PRMT1: variants seen among roughly 807,000 people sequenced by gnomAD.
The protein encoded by PRMT1 is protein arginine methyltransferase 1, also known as protein arginine N-methyltransferase 1.
Under a neutral mutation model 47.4 loss-of-function variants are expected in PRMT1, and 5 were observed. The ratio of observed to expected loss-of-function variants is 0.11; its 90% CI spans 0.06 to 0.22. PRMT1 has a LOEUF of 0.22. PRMT1 is among the 10% of genes least tolerant of loss of function. The pLI, the probability that PRMT1 is intolerant of heterozygous loss-of-function variation, is 1.00. For synonymous variants in PRMT1, 227 were observed against 204.6 expected, an observed-to-expected ratio of 1.11 and a Z score of -0.94; for missense variants, 249 against 518.4, an observed-to-expected ratio of 0.48 and a Z score of 5.05.
intron 5 of PRMT1, among the ~76,000 whole-genome samples, chr19:49,683,053 G>C (rs752735096): frequency 1.3e-5 from 2 of 151,282 alleles, no homozygotes; most frequent in Non-Finnish European, 2.9e-5. Context: ...GCCTCCCAAA[G>C]TGCTGGGATT....
chr19:49,686,566 G>T, intron 9 of PRMT1, 39 bp from the exon 10 acceptor site: 1 of 1,315,714 alleles, frequency 7.6e-7, no homozygotes, highest in Non-Finnish European at 1.1e-6. Flanking sequence ...GTTGGGGGGG[G>T]CAGCAGGCCG....
chr19:49,684,174 T>C lies in PRMT1; in HGVS notation c.555+105T>C. ...ACAGACGGGACTTACTGTGGGGGCT[T>C]AGCTGCAAGGTGTTAGAAAGCCACA... is the stretch of plus-strand genomic sequence containing the variant. On this transcript the variant is annotated intron_variant, in intron 6 of 10. Transcript: ENST00000454376. The surrounding 1 kb of genome is among the most constrained non-coding windows in gnomAD (Gnocchi z 6.2). 5 of 1,468,832 alleles carry C rather than the reference T, an allele frequency of 3.4e-6. No individual in the cohort carries two copies. The South Asian group carries it at 5.0e-5, about 15-fold the overall frequency. 91.0% of individuals were successfully genotyped at this position (1,468,832 alleles called of 1,614,324 possible).
In PRMT1 at chr19:49,684,644, C is replaced by A. The variant is rs538615892; in HGVS notation, c.556-110C>A. On this transcript the variant is annotated intron_variant, in intron 6 of 10. Coordinates refer to ENST00000454376, the MANE Select transcript of PRMT1 (RefSeq NM_001536.6). This position sits in a 1 kb window ranked among gnomAD's most constrained non-coding sequence, Gnocchi z 6.2. ...ACCAGGGGGCGAGGGGTGAGTGCCG[C>A]TGCGACATGAGGGTGGCCCAGACCA... 7.9e-6 allele frequency: 10 copies of A among 1,265,354 alleles called. No individual in the cohort carries two copies. The African/African-American group carries it at 1.4e-4, about 17-fold the overall frequency. 78.4% of individuals were successfully genotyped at this position (1,265,354 alleles called of 1,614,324 possible).
upstream of PRMT1, among the ~76,000 whole-genome samples, chr19:49,676,643 G>T (rs1331413970): frequency 6.6e-6 from 1 of 152,162 alleles, no homozygotes; most frequent in Non-Finnish European, 1.5e-5. Context: ...TTTCCCCCAG[G>T]TAATGAGCAC....
chr19:49,679,231 A>G (rs1416062941), intron 1 of PRMT1, among the ~76,000 whole-genome samples: 1 of 152,002 alleles, frequency 6.6e-6, no homozygotes, highest in Non-Finnish European at 1.5e-5. Context: ...GGAGCTGCCC[A>G]TCTTCCCTGG....
chr19:49,679,871 G>T lies in PRMT1; in HGVS notation c.37-1G>T. The T allele has an allele frequency of 6.2e-7, 1 of 1,612,004 alleles. No homozygotes were observed. The highest frequency in any genetic ancestry group is 8.5e-7 in the Non-Finnish European group (1 of 1,178,602). On this transcript the variant is annotated splice_acceptor_variant, in intron 1 of 10. Coordinates refer to ENST00000454376, the MANE Select transcript of PRMT1 (RefSeq NM_001536.6). LOFTEE classifies it high-confidence loss of function. Reference sequence around the variant, plus strand: ...CCTTTTTCCCTGTTACTCTCTCCTAGAATTTTGTAGCCACCTTGGCTAATG... The same window carrying T: ...CCTTTTTCCCTGTTACTCTCTCCTATAATTTTGTAGCCACCTTGGCTAATG...
At chr19:49,679,227 G>T (rs953768540) in intron 1 of PRMT1, among the ~76,000 whole-genome samples, 1 of 152,120 alleles carries the variant, frequency 6.6e-6, no homozygotes, top group Non-Finnish European at 1.5e-5. Context: ...TCCAGGAGCT[G>T]CCCATCTTCC....
intron 5 of PRMT1, 191 bp from the exon 6 acceptor site, chr19:49,683,736 T>C: frequency 2.0e-6 from 1 of 498,056 alleles, no homozygotes; most frequent in South Asian, 2.3e-5. Context: ...CCAGTCCACA[T>C]AAAATTTCTG....
Position 49,680,114 on chromosome 19 carries a change from G to C in PRMT1, c.90+189G>C. 8.7e-7 allele frequency: 1 copy of C among 1,156,000 alleles called. No individual in the cohort carries two copies. The highest frequency in any genetic ancestry group is 1.4e-5 in the South Asian group (1 of 73,992). 71.6% of individuals were successfully genotyped at this position (1,156,000 alleles called of 1,614,324 possible). A position where few individuals can be genotyped will look rare whatever the true frequency, so the allele number is the denominator to read the frequency against. ...CCCGCTGGCCTCCCCCAGTATCGCC[G>C]CTACTTCCTTAACTCCACCTCCAAC... is the stretch of plus-strand genomic sequence containing the variant. On this transcript the variant is annotated intron_variant, in intron 2 of 10. Transcript: ENST00000454376. The surrounding 1 kb of genome is among the most constrained non-coding windows in gnomAD (Gnocchi z 4.2).
In PRMT1 at chr19:49,684,524, C is replaced by T. The variant is rs943802274; in HGVS notation, c.556-230C>T. Among the ~76,000 whole-genome samples the T allele has an allele frequency of 6.6e-6, 1 of 152,174 alleles. No individual in the cohort carries two copies. On this transcript the variant is annotated intron_variant, in intron 6 of 10. Transcript: ENST00000454376. The surrounding 1 kb of genome is among the most constrained non-coding windows in gnomAD (Gnocchi z 6.2). ...GGACCCCGTGCTTTTCCTCTCAGAG[C>T]AGCTAGGGAGGGTCTGAGGATCCCC...
chr19:49,679,631 G>T (rs1388188902), intron 1 of PRMT1: 1 of 697,940 alleles, frequency 1.4e-6, no homozygotes. Flanking sequence ...GGGGCAGCGT[G>T]GGGGTGGGCC....
Position 49,685,370 on chromosome 19 carries a change from C to G in PRMT1, c.759+333C>G. ...GCACGCGGGCCACTGCAGAAGAGCA[C>G]GGGGCCAGGCTGGGCTCCGAGATGT... is the stretch of plus-strand genomic sequence containing the variant. On this transcript the variant is annotated intron_variant, in intron 8 of 10. Coordinates refer to ENST00000454376, the MANE Select transcript of PRMT1 (RefSeq NM_001536.6). The surrounding 1 kb of genome is among the most constrained non-coding windows in gnomAD (Gnocchi z 4.7). 1 of 1,251,760 alleles carries G rather than the reference C, an allele frequency of 8.0e-7. No individual in the cohort carries two copies. The highest frequency in any genetic ancestry group is 4.4e-5 in the East Asian group (1 of 22,780). The allele number at this position is 1,251,760 out of a possible 1,614,324, so 77.5% of individuals were successfully genotyped here. A position where few individuals can be genotyped will look rare whatever the true frequency, so the allele number is the denominator to read the frequency against.
At chr19:49,679,527 T>G in intron 1 of PRMT1, 5 of 579,652 alleles carry the variant, frequency 8.6e-6, no homozygotes, top group Non-Finnish European at 1.3e-5. Context: ...CTGGAGGAGA[T>G]TAGGTGATGA....
At position 49,685,390 on chromosome 19, in the gene PRMT1, A is replaced by G; in HGVS notation, c.759+353A>G. 1 of 1,229,652 alleles carries G rather than the reference A, an allele frequency of 8.1e-7. No individual in the cohort carries two copies. Among genetic ancestry groups the G allele is most frequent in the African/African-American group, 1.6e-5 (1 of 64,422 alleles). The allele number at this position is 1,229,652 out of a possible 1,614,324, so 76.2% of individuals were successfully genotyped here. On this transcript the variant is annotated intron_variant, in intron 8 of 10. Coordinates refer to ENST00000454376, the MANE Select transcript of PRMT1 (RefSeq NM_001536.6). This position sits in a 1 kb window ranked among gnomAD's most constrained non-coding sequence, Gnocchi z 4.7. ...GAGCACGGGGCCAGGCTGGGCTCCGAGATGTGCCTGAGGTCCCAGCTACTC... is the reference window on the plus strand; with the variant it reads ...GAGCACGGGGCCAGGCTGGGCTCCGGGATGTGCCTGAGGTCCCAGCTACTC...
chr19:49,685,688 C>T lies in PRMT1; in HGVS notation c.760-405C>T, dbSNP rs1451872198. On this transcript the variant is annotated intron_variant, in intron 8 of 10. Transcript: ENST00000454376. This position sits in a 1 kb window ranked among gnomAD's most constrained non-coding sequence, Gnocchi z 4.7. ...GAGGAGACTACAGGGGCAGGGACCC[C>T]ACTCGGGCCACCCTCCTGAGAGCCA... 2.9e-6 allele frequency: 3 copies of T among 1,036,176 alleles called. No individual in the cohort carries two copies. The East Asian group carries it at 2.8e-4, about 96-fold the overall frequency. The allele number at this position is 1,036,176 out of a possible 1,614,324, so 64.2% of individuals were successfully genotyped here. A position where few individuals can be genotyped will look rare whatever the true frequency, so the allele number is the denominator to read the frequency against.
Position 49,681,739 on chromosome 19 carries a change from AAAAAT to A in PRMT1, c.193-156_193-152del, listed in dbSNP as rs2082121396. 6.6e-6 allele frequency among the ~76,000 whole-genome samples: 1 copy of A among 152,268 alleles called. No individual in the cohort carries two copies. The highest frequency in any genetic ancestry group is 6.5e-5 in the Admixed American group (1 of 15,296). On this transcript the variant is annotated intron_variant, in intron 3 of 10. Transcript: ENST00000454376. This position sits in a 1 kb window ranked among gnomAD's most constrained non-coding sequence, Gnocchi z 4.4. Reference sequence around the variant, plus strand: ...GGCAACAGAGTGAGATTCCATCTCAAAAAATAAAATAAAATAAAAATAAATAAATG... The same window carrying A: ...GGCAACAGAGTGAGATTCCATCTCAAAAAATAAAATAAAAATAAATAAATG...
At chr19:49,682,343 C>T in intron 5 of PRMT1, 84 bp downstream of exon 5, 1 of 1,412,264 alleles carries the variant, frequency 7.1e-7, no homozygotes, top group Non-Finnish European at 9.9e-7. Context: ...GCAGTGGGGT[C>T]TACAGATGAC....
chr19:49,685,416 G>C lies in PRMT1; in HGVS notation c.759+379G>C. The C allele has an allele frequency of 8.4e-7, 1 of 1,197,550 alleles. No individual in the cohort carries two copies. The highest frequency in any genetic ancestry group is 1.7e-5 in the South Asian group (1 of 57,940). 74.2% of individuals were successfully genotyped at this position (1,197,550 alleles called of 1,614,324 possible). On this transcript the variant is annotated intron_variant, in intron 8 of 10. Coordinates refer to ENST00000454376, the MANE Select transcript of PRMT1 (RefSeq NM_001536.6). This position sits in a 1 kb window ranked among gnomAD's most constrained non-coding sequence, Gnocchi z 4.7. ...GATGTGCCTGAGGTCCCAGCTACTC[G>C]GGAGGATCACTTGGGCCTGGGAGTT... is the stretch of plus-strand genomic sequence containing the variant.
At position 49,683,907 on chromosome 19, in the gene PRMT1, C is replaced by T. The variant is rs553257930; in HGVS notation, c.413-20C>T. 5 of 1,606,600 alleles carry T rather than the reference C, an allele frequency of 3.1e-6. No homozygotes were observed. The highest frequency in any genetic ancestry group is 3.4e-5 in the Admixed American group (2 of 58,758). On this transcript the variant is annotated intron_variant, in intron 5 of 10. Coordinates refer to ENST00000454376, the MANE Select transcript of PRMT1 (RefSeq NM_001536.6). ...GCAGGCCTCCCGGGGGCTGACGTGG[C>T]CACCCTTGTCCGCCCGCAGTGGTGA...
Sources: gnomAD v4.1 joint callset for allele counts (sites outside exome capture counted in the v4.1 genomes callset) on GRCh38, gnomAD v4.1.1 for gene constraint, Gnocchi (gnomAD v3.1) non-coding constraint, MANE v1.5 for transcripts, NCBI Gene and HGNC (gene_info 2026-07-23, HGNC 2026-07-21) for gene names.